Variants in CCDC91 observed in about 807,000 individuals in gnomAD.
The protein encoded by CCDC91 is coiled-coil domain-containing protein 91.
A neutral mutation model predicts 63.2 loss-of-function variants in CCDC91; 48 were observed. That is an observed-to-expected ratio of 0.76 (90% confidence interval 0.60 to 0.97). The LOEUF (loss-of-function observed/expected upper bound fraction) is 0.97. CCDC91 is among the 50% of genes least tolerant of loss of function. The pLI is 0.00. For synonymous variants in CCDC91, 167 were observed against 165.8 expected (o/e 1.01, Z -0.06); for missense variants, 500 against 494.6 (o/e 1.01, Z -0.10).
intron 1 of CCDC91, among the ~76,000 whole-genome samples, chr12:28,195,014 A>C (rs968455329): frequency 6.6e-6 from 1 of 152,168 alleles, no homozygotes; most frequent in Admixed American, 6.5e-5. Flanking sequence ...CTTCCACAGC[A>C]TGGAAGGGGA....
At chr12:28,490,913 A>G (rs1445090115) in intron 12 of CCDC91, among the ~76,000 whole-genome samples, 5 of 116,018 alleles carry the variant, frequency 4.3e-5, no homozygotes, top group Admixed American at 2.6e-4. Context: ...AGATGACCCT[A>G]TTTGTCATTT....
At chr12:28,404,358 A>G (rs1193934403) in intron 8 of CCDC91, among the ~76,000 whole-genome samples, 2 of 152,000 alleles carry the variant, frequency 1.3e-5, no homozygotes, top group Admixed American at 6.6e-5. Flanking sequence ...CTGAAAGCAG[A>G]CCACATTTTG....
chr12:28,412,056 A>G (rs1251301528), intron 8 of CCDC91, among the ~76,000 whole-genome samples: 1 of 152,236 alleles, frequency 6.6e-6, no homozygotes, highest in Non-Finnish European at 1.5e-5. Context: ...TTACTATTGT[A>G]TTACAGTTGC....
At chr12:28,391,439 T>G in intron 8 of CCDC91, 28 bp downstream of exon 8, 1 of 1,341,612 alleles carries the variant, frequency 7.5e-7, no homozygotes, top group Non-Finnish European at 1.1e-6. Flanking sequence ...CCATTATATA[T>G]TTATACTTTT....
chr12:28,358,189 T>A (rs1423963694), intron 6 of CCDC91, among the ~76,000 whole-genome samples: 4 of 152,164 alleles, frequency 2.6e-5, no homozygotes, highest in Non-Finnish European at 5.9e-5. Context: ...ACCCAAAAAA[T>A]TTTTTTAATT....
chr12:28,365,281 C>T (rs918547613), intron 7 of CCDC91, among the ~76,000 whole-genome samples: 2 of 152,110 alleles, frequency 1.3e-5, no homozygotes, highest in African/African-American at 4.8e-5. Flanking sequence ...ATAGTTTTCA[C>T]TTATGATTTT....
intron 11 of CCDC91, among the ~76,000 whole-genome samples, chr12:28,469,689 A>G (rs1476736210): frequency 1.3e-5 from 2 of 152,168 alleles, no homozygotes; most frequent in African/African-American, 4.8e-5. Context: ...TTCAAATTGT[A>G]TTCCAGAGCT....
chr12:28,225,457 C>CT (rs774145419), intron 1 of CCDC91, among the ~76,000 whole-genome samples: 176 of 148,562 alleles, frequency 1.2e-3, no homozygotes, highest in Middle Eastern at 6.9e-3. Context: ...CCACTACCCC[C>CT]TTTTTTTTTT....
chr12:28,531,765 T>C (rs571168405), intron 12 of CCDC91, among the ~76,000 whole-genome samples: 1 of 152,300 alleles, frequency 6.6e-6, no homozygotes, highest in South Asian at 2.1e-4. Context: ...AAACATTTAG[T>C]CAGCTGCACC....
At chr12:28,535,792 G>T (rs938642296) in intron 12 of CCDC91, among the ~76,000 whole-genome samples, 1 of 152,056 alleles carries the variant, frequency 6.6e-6, no homozygotes, top group African/African-American at 2.4e-5. Flanking sequence ...ACTTTGGGAG[G>T]CCAAGGTGGG....
At chr12:28,298,459 TTTGA>T (rs1937657204) in intron 3 of CCDC91, among the ~76,000 whole-genome samples, 1 of 151,208 alleles carries the variant, frequency 6.6e-6, no homozygotes, top group Admixed American at 6.6e-5. Flanking sequence ...CAGAGCATGC[TTTGA>T]TTGGGGGTTA....
At chr12:28,271,256 T>C (rs1422326614) in intron 3 of CCDC91, among the ~76,000 whole-genome samples, 2 of 152,142 alleles carry the variant, frequency 1.3e-5, no homozygotes. Flanking sequence ...CTTTTGGCAA[T>C]GTAGATACAC....
intron 7 of CCDC91, among the ~76,000 whole-genome samples, chr12:28,377,230 A>T (rs1945004137): frequency 6.6e-6 from 1 of 150,424 alleles, no homozygotes; most frequent in Non-Finnish European, 1.5e-5. Context: ...TTCTGTAGTG[A>T]TTTTCACAAG....
chr12:28,479,905 G>C (rs933527495), intron 11 of CCDC91, among the ~76,000 whole-genome samples: 1 of 152,002 alleles, frequency 6.6e-6, no homozygotes, highest in African/African-American at 2.4e-5. Context: ...GACTATGTAT[G>C]AGATTAATAA....
chr12:28,529,037 A>AG (rs1404039831), intron 12 of CCDC91, among the ~76,000 whole-genome samples: 2 of 152,094 alleles, frequency 1.3e-5, no homozygotes, highest in African/African-American at 2.4e-5. Flanking sequence ...ATATATATAA[A>AG]AGTATATTTA....
intron 1 of CCDC91, among the ~76,000 whole-genome samples, chr12:28,244,853 A>G (rs1945612005): frequency 6.7e-6 from 1 of 150,236 alleles, no homozygotes; most frequent in Non-Finnish European, 1.5e-5. Context: ...ATGGGCAACA[A>G]GAGGGAAACT....
chr12:28,531,816 A>G (rs1013843262), intron 12 of CCDC91, among the ~76,000 whole-genome samples: 3 of 152,172 alleles, frequency 2.0e-5, no homozygotes, highest in African/African-American at 7.2e-5. Flanking sequence ...ATACAGAAGT[A>G]AATACATCAG....
At chr12:28,208,408 C>T (rs1452942913) in intron 1 of CCDC91, among the ~76,000 whole-genome samples, 1 of 152,134 alleles carries the variant, frequency 6.6e-6, no homozygotes, top group Non-Finnish European at 1.5e-5. Context: ...ATATAATTCA[C>T]TAAAGTATAA....
chr12:28,354,336 A>C (rs1400248309), intron 6 of CCDC91, among the ~76,000 whole-genome samples: 1 of 152,074 alleles, frequency 6.6e-6, no homozygotes, highest in Non-Finnish European at 1.5e-5. Flanking sequence ...CTCTGTCTCA[A>C]ATCTTCCCCT....
Sources: gnomAD v4.1 joint callset for allele counts (sites outside exome capture counted in the v4.1 genomes callset) on GRCh38, gnomAD v4.1.1 for gene constraint, MANE v1.5 for transcripts, NCBI Gene and HGNC (gene_info 2026-07-23, HGNC 2026-07-21) for gene names.